Variants in TANC1 observed in about 807,000 individuals in gnomAD.
The protein encoded by TANC1 is tetratricopeptide repeat, ankyrin repeat and coiled-coil containing 1, also known as protein TANC1.
In TANC1, 77 loss-of-function variants were observed where a neutral mutation model predicts 149.7. That is an observed-to-expected ratio of 0.51 (90% CI 0.43 to 0.62). The LOEUF (loss-of-function observed/expected upper bound fraction) is 0.62. Ranked by LOEUF, TANC1 falls within the 20% of genes least tolerant of loss-of-function variation. TANC1 has a pLI of 0.00. For synonymous variants in TANC1, 854 were observed against 925.0 expected (o/e 0.92, Z 1.39); for missense variants, 1,985 against 2,321.8 (o/e 0.85, Z 2.98).
intron 5 of TANC1, among the ~76,000 whole-genome samples, chr2:159,142,768 G>GAA (rs773510804): frequency 1.5e-5 from 2 of 133,386 alleles, no homozygotes; most frequent in South Asian, 2.4e-4. Flanking sequence ...CACTTCAATA[G>GAA]AAAAAAAAAA....
chr2:159,160,888 C>T (rs553338980), intron 7 of TANC1, among the ~76,000 whole-genome samples: 15 of 152,316 alleles, frequency 9.8e-5, no homozygotes, highest in South Asian at 4.1e-4. Flanking sequence ...GACTTCTCTT[C>T]GCAGTGACTG....
intron 1 of TANC1, among the ~76,000 whole-genome samples, chr2:158,997,097 T>C (rs1182883939): frequency 6.6e-6 from 1 of 152,158 alleles, no homozygotes; most frequent in Non-Finnish European, 1.5e-5. Context: ...TGGACCTGGG[T>C]AGCTTTGGAA....
chr2:158,969,786 G>T (rs1038651860), intron 1 of TANC1, among the ~76,000 whole-genome samples: 4 of 152,244 alleles, frequency 2.6e-5, no homozygotes, highest in Non-Finnish European at 5.9e-5. Context: ...CGGCGCTGCG[G>T]CCAAGGGGCG....
chr2:159,079,069 G>A (rs1327861886), intron 3 of TANC1, among the ~76,000 whole-genome samples: 3 of 151,944 alleles, frequency 2.0e-5, no homozygotes, highest in Non-Finnish European at 2.9e-5. Context: ...ATTTATATTG[G>A]GGGTTTTTGG....
chr2:159,031,086 C>T (rs1033868239), intron 2 of TANC1, among the ~76,000 whole-genome samples: 2 of 152,144 alleles, frequency 1.3e-5, no homozygotes, highest in Admixed American at 1.3e-4. Flanking sequence ...GCAGATTATC[C>T]AGAGAGGGTC....
intron 20 of TANC1, among the ~76,000 whole-genome samples, chr2:159,218,824 C>A (rs1435380407): frequency 1.3e-5 from 2 of 152,192 alleles, no homozygotes; most frequent in Non-Finnish European, 2.9e-5. Context: ...CTGCGACCCC[C>A]TCATGCCCTG....
chr2:159,037,829 G>T (rs374192121), intron 2 of TANC1, among the ~76,000 whole-genome samples: 1 of 152,192 alleles, frequency 6.6e-6, no homozygotes, highest in Non-Finnish European at 1.5e-5. Context: ...GATTGCCTTG[G>T]CAATGGAGGC....
At chr2:159,211,441 C>A (rs751174180) in intron 19 of TANC1, among the ~76,000 whole-genome samples, 1 of 152,188 alleles carries the variant, frequency 6.6e-6, no homozygotes, top group Non-Finnish European at 1.5e-5. Context: ...CTGCCCATAG[C>A]AAGGCATTCT....
At chr2:159,228,069 C>T in intron 25 of TANC1, 104 bp downstream of exon 25, 1 of 1,304,600 alleles carries the variant, frequency 7.7e-7, no homozygotes, top group Non-Finnish European at 1.1e-6. Flanking sequence ...CCCTCCTGTC[C>T]AATTTGCTTG....
intron 15 of TANC1, 39 bp downstream of exon 15, chr2:159,185,938 G>A: frequency 6.7e-7 from 1 of 1,482,132 alleles, no homozygotes; most frequent in Non-Finnish European, 9.4e-7. Context: ...TTTCTTTGTT[G>A]TCATTTTGAG....
chr2:159,217,475 C>T, intron 19 of TANC1, 22 bp from the exon 20 acceptor site: 1 of 1,613,882 alleles, frequency 6.2e-7, no homozygotes, highest in Non-Finnish European at 8.5e-7. Flanking sequence ...AACAGATTCC[C>T]CTCCATGTGA....
chr2:159,027,332 T>G (rs1277839018), intron 2 of TANC1, among the ~76,000 whole-genome samples: 1 of 152,232 alleles, frequency 6.6e-6, no homozygotes, highest in African/African-American at 2.4e-5. Context: ...TATTTTAGTT[T>G]ATTGCCCTCA....
intron 3 of TANC1, among the ~76,000 whole-genome samples, chr2:159,068,614 C>G (rs1173700075): frequency 6.6e-6 from 1 of 152,044 alleles, no homozygotes; most frequent in East Asian, 1.9e-4. Context: ...GTTGTTATTC[C>G]CTCATTTATC....
At chr2:159,108,613 T>G (rs936596496) in intron 4 of TANC1, among the ~76,000 whole-genome samples, 2 of 152,176 alleles carry the variant, frequency 1.3e-5, no homozygotes, top group South Asian at 4.1e-4. Flanking sequence ...AGCACTAGTG[T>G]AAAGCAGAAA....
rs549963714 is a variant in TANC1, at chr2:159,196,510, T to C, written c.2980-98T>C. ...GTTGGAATGTGAACCCCATGTACGC[T>C]TACAGGGAGTGGGGTTTGCACACAG... is the stretch of plus-strand genomic sequence containing the variant. On this transcript the variant is annotated intron_variant, in intron 17 of 26. Coordinates refer to ENST00000263635, the MANE Select transcript of TANC1 (RefSeq NM_033394.3). 5.9e-6 allele frequency: 6 copies of C among 1,022,786 alleles called. No homozygotes were observed. In the South Asian group the frequency reaches 8.9e-5, roughly 15 times the overall value. 63.4% of individuals were successfully genotyped at this position (1,022,786 alleles called of 1,614,324 possible).
intron 10 of TANC1, among the ~76,000 whole-genome samples, 162 bp downstream of exon 10, chr2:159,170,967 A>T (rs1314584582): frequency 6.6e-6 from 1 of 152,236 alleles, no homozygotes; most frequent in Non-Finnish European, 1.5e-5. Context: ...ATGTCCCTCC[A>T]TCATGATGTG....
intron 8 of TANC1, among the ~76,000 whole-genome samples, chr2:159,168,989 CTG>C (rs1383280968): frequency 1.3e-5 from 2 of 152,162 alleles, no homozygotes; most frequent in African/African-American, 4.8e-5. Context: ...ATGGTGAATT[CTG>C]TCTCTTTCCA....
intron 8 of TANC1, among the ~76,000 whole-genome samples, chr2:159,167,957 C>T (rs1282251418): frequency 1.3e-5 from 2 of 152,104 alleles, no homozygotes; most frequent in Non-Finnish European, 2.9e-5. Flanking sequence ...GACTTCTGTC[C>T]CCTGCACCTT....
intron 4 of TANC1, 135 bp from the exon 5 acceptor site, chr2:159,136,059 C>CGT (rs1553568455): frequency 2.5e-5 from 13 of 514,680 alleles, no homozygotes; most frequent in South Asian, 6.4e-5. Context: ...TGCGCGCGCG[C>CGT]GCGTTTAAGG....
Sources: allele counts gnomAD v4.1 joint callset (sites outside exome capture counted in the v4.1 genomes callset), GRCh38; gene constraint gnomAD v4.1.1; transcripts MANE v1.5; gene names NCBI Gene and HGNC (gene_info 2026-07-23, HGNC 2026-07-21).